Variants in AKNA observed in about 807,000 individuals in gnomAD.
The protein encoded by AKNA is microtubule organization protein AKNA.
A neutral mutation model predicts 138.8 loss-of-function variants in AKNA; 67 were observed. The observed-to-expected ratio is 0.48, with a 90% CI of 0.40 to 0.59. The LOEUF (loss-of-function observed/expected upper bound fraction) is 0.59. AKNA is among the 20% of genes least tolerant of loss of function. The pLI is 0.00. For synonymous variants in AKNA, 737 were observed against 754.4 expected, an observed-to-expected ratio of 0.98 and a Z score of 0.38; for missense variants, 1,813 against 1,880.4, an observed-to-expected ratio of 0.96 and a Z score of 0.66.
intron 19 of AKNA, 72 bp from the exon 20 acceptor site, chr9:114,342,197 C>G: frequency 1.7e-6 from 2 of 1,154,704 alleles, no homozygotes; most frequent in Non-Finnish European, 1.2e-6. Context: ...CCATGCAGGC[C>G]TTCTGCAGCA....
chr9:114,341,641 C>T lies in AKNA; in HGVS notation c.3959G>A (p.Arg1320His), dbSNP rs373587030. The T allele has an allele frequency of 5.3e-5, 86 of 1,610,446 alleles. No individual in the cohort carries two copies. The East Asian group carries it at 8.9e-4, about 17-fold the overall frequency. Residue 1320 changes from arginine (R) to histidine (H), a missense_variant, in exon 21 of 22, where the codon CGC becomes CAC. By Grantham distance (29) the Arg-to-His change is conservative. Transcript: ENST00000374088. The part of the protein sequence containing the change: ...QRSKQAGSSP[R>H]PPPGLWYLAT... ...CAGATACCACAGTCCGGGGGGTGGG[C>T]GTGGCGACGACCCCGCCTGCTTGCT...
intron 21 of AKNA, among the ~76,000 whole-genome samples, chr9:114,338,355 C>CA: frequency 6.6e-6 from 1 of 152,190 alleles, no homozygotes; most frequent in African/African-American, 2.4e-5. Context: ...CCTCTAACAT[C>CA]AAAAAGGACA....
downstream of AKNA, chr9:114,331,489 C>A: frequency 8.3e-7 from 1 of 1,206,180 alleles, no homozygotes; most frequent in Non-Finnish European, 1.2e-6. Context: ...CCCGGACACA[C>A]CTAGGACTCC....
At chr9:114,380,604 T>C (rs1381132297) in intron 2 of AKNA, among the ~76,000 whole-genome samples, 1 of 152,184 alleles carries the variant, frequency 6.6e-6, no homozygotes, top group African/African-American at 2.4e-5. Context: ...ATGTATACAA[T>C]TTAAATCTTT....
rs764947889 is a variant in AKNA, at chr9:114,342,081, T to C, written c.3802A>G (p.Thr1268Ala). The change falls in exon 20 of 22, where the codon ACC becomes GCC. Residue 1268 changes from threonine to alanine, a missense_variant. Coordinates refer to ENST00000374088, the MANE Select transcript of AKNA (RefSeq NM_001317950.2). Reference sequence around the variant, plus strand: ...TGACCACACAGGGGACACTGAAGGGTATCAGCGGGAGGCGGTCCCAGTGGG... The same window carrying C: ...TGACCACACAGGGGACACTGAAGGGCATCAGCGGGAGGCGGTCCCAGTGGG... ...GDPLGPPPADTLQCPLCGQVG... is the reference protein window; with the variant it reads ...GDPLGPPPADALQCPLCGQVG... 14 of 1,611,904 alleles carry C rather than the reference T, an allele frequency of 8.7e-6. No individual in the cohort carries two copies. Among genetic ancestry groups the C allele is most frequent in the Non-Finnish European group, 1.1e-5 (13 of 1,179,226 alleles).
chr9:114,341,575 T>C lies in AKNA; in HGVS notation c.4025A>G (p.Tyr1342Cys), dbSNP rs747837042. ...PPAPAPPAFA[Y>C]ISSVPIMPYP... Reference sequence around the variant, plus strand: ...AGGCATGATGGGAACCGAGGAGATGTAGGCAAAGGCTGGAGGGGCTGGTGC... The same window carrying C: ...AGGCATGATGGGAACCGAGGAGATGCAGGCAAAGGCTGGAGGGGCTGGTGC... The change falls in exon 21 of 22, where the codon TAC becomes TGC. Residue 1342 changes from tyrosine to cysteine, a missense_variant. Coordinates refer to ENST00000374088, the MANE Select transcript of AKNA (RefSeq NM_001317950.2). 6.8e-6 allele frequency: 11 copies of C among 1,613,870 alleles called. No homozygotes were observed. Among genetic ancestry groups the C allele is most frequent in the Admixed American group, 3.3e-5 (2 of 59,986 alleles).
At chr9:114,388,540 C>G (rs1367401727), upstream of AKNA, among the ~76,000 whole-genome samples, 1 of 152,220 alleles carries the variant, frequency 6.6e-6, no homozygotes, top group African/African-American at 2.4e-5. Context: ...GGTCCTGCAG[C>G]CAGAGTGGGA....
intron 14 of AKNA, among the ~76,000 whole-genome samples, chr9:114,354,660 C>A (rs1178235463): frequency 6.7e-6 from 1 of 149,226 alleles, no homozygotes; most frequent in East Asian, 2.0e-4. Flanking sequence ...TTGCAGTGAG[C>A]CGAGATTGTG....
chr9:114,381,049 G>A lies in AKNA; in HGVS notation c.274+11C>T, dbSNP rs1277048819. 2 of 1,525,848 alleles carry A rather than the reference G, an allele frequency of 1.3e-6. No individual in the cohort carries two copies. The highest frequency in any genetic ancestry group is 8.8e-7 in the Non-Finnish European group (1 of 1,136,552). 94.5% of individuals were successfully genotyped at this position (1,525,848 alleles called of 1,614,324 possible). A position where few individuals can be genotyped will look rare whatever the true frequency, so the allele number is the denominator to read the frequency against. On this transcript the variant is annotated intron_variant, in intron 2 of 21. Coordinates refer to ENST00000374088, the MANE Select transcript of AKNA (RefSeq NM_001317950.2). Reference sequence around the variant, plus strand: ...AGGACACCACTGTAGGGGGAGGGGTGTCAGTCTCACCTTCTCCCGAAGTCT... The same window carrying A: ...AGGACACCACTGTAGGGGGAGGGGTATCAGTCTCACCTTCTCCCGAAGTCT...
chr9:114,381,719 G>A (rs947464567), intron 1 of AKNA, among the ~76,000 whole-genome samples: 1 of 128,790 alleles, frequency 7.8e-6, no homozygotes, highest in African/African-American at 2.8e-5. Flanking sequence ...GGAGTGCAGT[G>A]GCACAATCTC....
At chr9:114,372,920 G>C (rs1368255059) in intron 4 of AKNA, among the ~76,000 whole-genome samples, 1 of 150,194 alleles carries the variant, frequency 6.7e-6, no homozygotes, top group Non-Finnish European at 1.5e-5. Context: ...GAGGCCAAGA[G>C]GGAAGGGTCC....
intron 6 of AKNA, among the ~76,000 whole-genome samples, chr9:114,364,848 G>T (rs994692734): frequency 6.6e-6 from 1 of 152,104 alleles, no homozygotes; most frequent in Non-Finnish European, 1.5e-5. Context: ...TGACAACAAA[G>T]CAAGTCACTC....
At chr9:114,353,469 G>T (rs1466866872) in intron 14 of AKNA, among the ~76,000 whole-genome samples, 1 of 152,118 alleles carries the variant, frequency 6.6e-6, no homozygotes, top group African/African-American at 2.4e-5. Context: ...TTGCCATGTT[G>T]GCCAGGCTGG....
intron 3 of AKNA, among the ~76,000 whole-genome samples, chr9:114,374,667 T>C (rs1289716960): frequency 6.6e-6 from 1 of 152,220 alleles, no homozygotes; most frequent in Admixed American, 6.5e-5. Flanking sequence ...CTGTTCCACC[T>C]ACTCAGAGTC....
chr9:114,390,699 C>A (rs1243899240), upstream of AKNA, among the ~76,000 whole-genome samples: 1 of 152,182 alleles, frequency 6.6e-6, no homozygotes, highest in African/African-American at 2.4e-5. Flanking sequence ...ACAAGCTGGC[C>A]GCTGCTGCAG....
upstream of AKNA, among the ~76,000 whole-genome samples, chr9:114,395,133 G>C (rs1249029038): frequency 6.6e-6 from 1 of 152,218 alleles, no homozygotes; most frequent in East Asian, 1.9e-4. Context: ...GAGAATGTGA[G>C]ACTTTGGGGG....
intron 1 of AKNA, among the ~76,000 whole-genome samples, chr9:114,387,049 G>A (rs772790600): frequency 2.6e-5 from 4 of 152,102 alleles, no homozygotes; most frequent in Non-Finnish European, 5.9e-5. Context: ...GCCAGGAAGC[G>A]CAGACAGAGG....
In AKNA at chr9:114,362,414, A is replaced by T. The variant is rs1199000851; in HGVS notation, c.1908T>A (p.Asp636Glu). 6.2e-7 allele frequency: 1 copy of T among 1,611,310 alleles called. No homozygotes were observed. Among genetic ancestry groups the T allele is most frequent in the South Asian group, 1.1e-5 (1 of 90,406 alleles). Residue 636 changes from aspartate (D) to glutamate (E), a missense_variant, in exon 8 of 22, where the codon GAT (aspartate) becomes GAA (glutamate). By Grantham distance (45) the Asp-to-Glu change is conservative. Transcript: ENST00000374088. ...TCCACCCCAGCAGGTACCTGCGAGG[A>T]TCAAATCTTCCAGGCGTCCCCTTGG... Reference protein sequence around the residue: ...AGSKGTPGRFDPRRELEAEIY... With the variant: ...AGSKGTPGRFEPRRELEAEIY...
chr9:114,337,166 C>T lies in AKNA; in HGVS notation c.4208G>A (p.Ser1403Asn), dbSNP rs762018030. The change falls in exon 22 of 22, where the codon AGC becomes AAC. Residue 1403 changes from serine to asparagine, a missense_variant. Coordinates refer to ENST00000374088, the MANE Select transcript of AKNA (RefSeq NM_001317950.2). ...GCTCTCGGCAGCCTGCACGGCCCGG[C>T]TCAGGGCCTTGTTGAGCTCCTCTAG... ...GDLEELNKAL[S>N]RAVQAAESVR... 6.2e-7 allele frequency: 1 copy of T among 1,611,170 alleles called. No individual in the cohort carries two copies. Among genetic ancestry groups the T allele is most frequent in the African/African-American group, 1.3e-5 (1 of 74,900 alleles).
Sources: gnomAD v4.1 joint callset for allele counts (sites outside exome capture counted in the v4.1 genomes callset) on GRCh38, gnomAD v4.1.1 for gene constraint, MANE v1.5 for transcripts, NCBI Gene and HGNC (gene_info 2026-07-23, HGNC 2026-07-21) for gene names.